DMD: variants seen among roughly 807,000 people sequenced by gnomAD.
DMD encodes dystrophin, also known as mutant dystrophin.
DMD carries 63 observed loss-of-function variants against 330.1 expected under a neutral mutation model. That is an observed-to-expected ratio of 0.19 (90% confidence interval 0.16 to 0.24). The LOEUF (loss-of-function observed/expected upper bound fraction) is 0.24, where lower values mean the gene tolerates loss of function less well. DMD is among the 10% of genes least tolerant of loss of function. DMD has a pLI of 1.00. For missense variants in DMD, 3,344 were observed against 2,684.1 expected, an observed-to-expected ratio of 1.25 and a Z score of -5.43; for synonymous variants, 1,223 against 959.8, an observed-to-expected ratio of 1.27 and a Z score of -5.07.
At chrX:32,977,713 A>G (rs1009570271) in intron 2 of DMD, among the ~76,000 whole-genome samples, 4 of 105,368 alleles carry the variant, frequency 3.8e-5, no homozygotes, top group African/African-American at 1.1e-4. Flanking sequence ...TGTATGTGTG[A>G]TATATATATA....
At chrX:31,123,126 T>C (rs1162182279) in intron 78 of DMD, among the ~76,000 whole-genome samples, 1 of 111,842 alleles carries the variant, frequency 8.9e-6, no homozygotes, top group Non-Finnish European at 1.9e-5. Context: ...TATTTTGTTT[T>C]AATATTTATT....
At chrX:32,976,153 G>C (rs1031295458) in intron 2 of DMD, among the ~76,000 whole-genome samples, 4 of 110,059 alleles carry the variant, frequency 3.6e-5, no homozygotes, top group Non-Finnish European at 7.6e-5. Context: ...GCTGGGAGGC[G>C]GAGGTTGCAG....
intron 42 of DMD, among the ~76,000 whole-genome samples, chrX:32,309,844 T>C (rs1197620753): frequency 9.0e-6 from 1 of 111,369 alleles, no homozygotes; most frequent in East Asian, 2.8e-4. Context: ...TGATCATTTT[T>C]GTGCATTTCT....
chrX:32,864,390 G>A (rs1320930785), intron 2 of DMD, among the ~76,000 whole-genome samples: 1 of 112,259 alleles, frequency 8.9e-6, no homozygotes, highest in African/African-American at 3.2e-5. Flanking sequence ...TTTAAGCTGG[G>A]CTTGACTATC....
chrX:32,034,824 T>C (rs1284621773), intron 44 of DMD, among the ~76,000 whole-genome samples: 2 of 111,956 alleles, frequency 1.8e-5, no homozygotes, highest in African/African-American at 6.5e-5. Context: ...TTTTCACCAA[T>C]TAATTTTCAT....
chrX:32,502,975 T>A (rs781624169), intron 18 of DMD, among the ~76,000 whole-genome samples: 90 of 111,497 alleles, frequency 8.1e-4, no homozygotes, highest in South Asian at 2.3e-3. Context: ...TCAGCATGAC[T>A]TGAAAATAAA....
chrX:32,415,836 T>G (rs1383765434), intron 29 of DMD, among the ~76,000 whole-genome samples: 1 of 112,368 alleles, frequency 8.9e-6, no homozygotes, highest in African/African-American at 3.2e-5. Context: ...AACCCAGTTT[T>G]CAATGAAAAT....
At chrX:33,275,055 G>T (rs1056171488) in intron 1 of DMD, among the ~76,000 whole-genome samples, 1 of 111,608 alleles carries the variant, frequency 9.0e-6, no homozygotes, top group African/African-American at 3.3e-5. Flanking sequence ...TTGTCGTGTT[G>T]TGCTGTTTGT....
At chrX:32,563,881 G>A (rs1172696780) in intron 16 of DMD, among the ~76,000 whole-genome samples, 2 of 111,575 alleles carry the variant, frequency 1.8e-5, no homozygotes, top group African/African-American at 6.5e-5. Context: ...TTTATTTTAG[G>A]CTCAGGAGTA....
chrX:32,044,366 C>T (rs1603623025), intron 44 of DMD, among the ~76,000 whole-genome samples: 2 of 108,995 alleles, frequency 1.8e-5, no homozygotes, highest in South Asian at 3.9e-4. Flanking sequence ...ATGTTAACAG[C>T]CTATTAAAAA....
intron 62 of DMD, chrX:31,267,017 C>G (rs888229959): frequency 2.3e-5 from 14 of 597,915 alleles, no homozygotes; most frequent in Non-Finnish European, 3.1e-5. Flanking sequence ...GGGGCCGTGT[C>G]GGGCTCCGCC....
intron 16 of DMD, among the ~76,000 whole-genome samples, chrX:32,549,831 C>T (rs2049345305): frequency 9.0e-6 from 1 of 111,504 alleles, no homozygotes; most frequent in African/African-American, 3.3e-5. Flanking sequence ...TCTTCTCTTC[C>T]ACTTGTTTAA....
At chrX:31,630,318 A>G (rs1334237296) in intron 54 of DMD, among the ~76,000 whole-genome samples, 2 of 112,136 alleles carry the variant, frequency 1.8e-5, no homozygotes, top group African/African-American at 6.5e-5. Flanking sequence ...GGTCTGAAAT[A>G]TTGACAACAT....
At chrX:31,391,802 C>T (rs1034364463) in intron 60 of DMD, among the ~76,000 whole-genome samples, 1 of 109,529 alleles carries the variant, frequency 9.1e-6, no homozygotes, top group African/African-American at 3.3e-5. Flanking sequence ...ACCTGGGAGG[C>T]GGAGGTTGCA....
chrX:31,347,034 AAAGG>A (rs1569530077), intron 61 of DMD, among the ~76,000 whole-genome samples: 10 of 70,474 alleles, frequency 1.4e-4, no homozygotes, highest in African/African-American at 5.6e-4. Flanking sequence ...AAAAAAAAAA[AAAGG>A]AAGGATGCAA....
intron 4 of DMD, among the ~76,000 whole-genome samples, chrX:32,834,523 A>G (rs1018762306): frequency 8.9e-6 from 1 of 111,889 alleles, no homozygotes; most frequent in East Asian, 2.8e-4. Flanking sequence ...ACATCTGACA[A>G]CCATTCAATC....
intron 40 of DMD, chrX:32,342,802 G>T (rs1360160736): frequency 2.8e-6 from 1 of 360,075 alleles, no homozygotes; most frequent in South Asian, 2.6e-5. Flanking sequence ...AAATGAATGG[G>T]CTAACATGAG....
chrX:31,213,421 T>C (rs1030333930), intron 64 of DMD, among the ~76,000 whole-genome samples: 5 of 110,579 alleles, frequency 4.5e-5, no homozygotes, highest in African/African-American at 1.3e-4. Flanking sequence ...AGGAACAGTA[T>C]GCCTAGGTTA....
At chrX:31,460,970 T>A (rs2066494514) in intron 59 of DMD, among the ~76,000 whole-genome samples, 1 of 111,442 alleles carries the variant, frequency 9.0e-6, no homozygotes, top group Non-Finnish European at 1.9e-5. Context: ...ATTGTACCAG[T>A]GTCATTAAAA....
Sources: allele counts gnomAD v4.1 joint callset (sites outside exome capture counted in the v4.1 genomes callset), GRCh38; gene constraint gnomAD v4.1.1; transcripts MANE v1.5; gene names NCBI Gene and HGNC (gene_info 2026-07-23, HGNC 2026-07-21).